LCORL: variants seen among roughly 807,000 people sequenced by gnomAD.
LCORL encodes ligand dependent nuclear receptor corepressor like.
Under a neutral mutation model 141.8 loss-of-function variants are expected in LCORL, and 41 were observed. The observed-to-expected ratio is 0.29, with a 90% CI of 0.23 to 0.38. The LOEUF (loss-of-function observed/expected upper bound fraction) is 0.38, where lower values mean the gene tolerates loss of function less well. LCORL is among the 10% of genes least tolerant of loss of function. The pLI, the probability that LCORL is intolerant of heterozygous loss-of-function variation, is 1.00. For synonymous variants in LCORL, 618 were observed against 694.1 expected (o/e 0.89, Z 1.72); for missense variants, 1,759 against 2,035.0 (o/e 0.86, Z 2.61).
In LCORL at chr4:18,021,794, C is replaced by CAGGCACGAGGCAG. The variant is rs1484695690; in HGVS notation, c.-56_-44dup. Reference sequence around the variant, plus strand: ...CGCCCTCATTTACATACGAGCAGCGCAGGCACGAGGCAGGGGCGCGAGCCC... The same window carrying CAGGCACGAGGCAG: ...CGCCCTCATTTACATACGAGCAGCGCAGGCACGAGGCAGAGGCACGAGGCAGGGGCGCGAGCCC... On this transcript the variant is annotated 5_prime_UTR_variant, in exon 1 of 8. Transcript: ENST00000635767. The surrounding 1 kb of genome is among the most constrained non-coding windows in gnomAD (Gnocchi z 5.5). The CAGGCACGAGGCAG allele has an allele frequency of 6.9e-7, 1 of 1,443,606 alleles. No individual in the cohort carries two copies. The highest frequency in any genetic ancestry group is 9.0e-7 in the Non-Finnish European group (1 of 1,106,708). 89.4% of individuals were successfully genotyped at this position (1,443,606 alleles called of 1,614,324 possible).
At chr4:17,914,426 A>T (rs1162021304) in intron 4 of LCORL, among the ~76,000 whole-genome samples, 1 of 152,234 alleles carries the variant, frequency 6.6e-6, no homozygotes, top group Non-Finnish European at 1.5e-5. Flanking sequence ...TTGAATTTAC[A>T]GCAAAGTTTA....
chr4:17,935,585 T>TTCCC (rs1204631718), intron 4 of LCORL, among the ~76,000 whole-genome samples: 1 of 152,052 alleles, frequency 6.6e-6, no homozygotes. Flanking sequence ...CAGCTTCCCT[T>TTCCC]TCCCTCCCTC....
At chr4:18,007,664 A>C (rs1266015788) in intron 1 of LCORL, among the ~76,000 whole-genome samples, 1 of 152,206 alleles carries the variant, frequency 6.6e-6, no homozygotes, top group Admixed American at 6.5e-5. Context: ...AAAGGATTTT[A>C]GCAGATGGCC....
chr4:17,856,729 TAC>T (rs1360056585), intron 7 of LCORL, among the ~76,000 whole-genome samples: 1 of 152,190 alleles, frequency 6.6e-6, no homozygotes, highest in East Asian at 1.9e-4. Flanking sequence ...TCCTTTATTC[TAC>T]ACAGTCTCTT....
chr4:17,912,576 T>C (rs1399325782), intron 4 of LCORL: 2 of 431,512 alleles, frequency 4.6e-6, no homozygotes, highest in Non-Finnish European at 9.0e-6. Flanking sequence ...GCTGCTGAGA[T>C]GGTGCTCGTG....
Position 17,972,840 on chromosome 4 carries a change from CT to C in LCORL, c.199del (p.Arg67GlufsTer14). On this transcript the variant is annotated frameshift_variant, in exon 2 of 8. Coordinates refer to ENST00000635767, the Ensembl canonical transcript of LCORL. LOFTEE classifies it high-confidence loss of function. ...ATTACCTTCAAATAAACTGAGGTCT[CT>C]TCGTAGCCGTGGTCCATAAAGCCCT... is the stretch of plus-strand genomic sequence containing the variant. 7.0e-7 allele frequency: 1 copy of C among 1,437,880 alleles called. No individual in the cohort carries two copies. The highest frequency in any genetic ancestry group is 9.1e-7 in the Non-Finnish European group (1 of 1,095,808). 89.1% of individuals were successfully genotyped at this position (1,437,880 alleles called of 1,614,324 possible). A position where few individuals can be genotyped will look rare whatever the true frequency, so the allele number is the denominator to read the frequency against.
chr4:17,858,642 T>A (rs535253836), intron 7 of LCORL, among the ~76,000 whole-genome samples: 1 of 151,544 alleles, frequency 6.6e-6, no homozygotes, highest in South Asian at 2.1e-4. Flanking sequence ...GCAGGAGAAT[T>A]GCTTGAACCA....
intron 4 of LCORL, among the ~76,000 whole-genome samples, chr4:17,909,583 C>T (rs1732174925): frequency 6.6e-6 from 1 of 151,888 alleles, no homozygotes; most frequent in African/African-American, 2.4e-5. Context: ...ATTCTCTGGT[C>T]CCAAACTAAA....
chr4:17,985,793 A>G (rs1027321583), intron 1 of LCORL, among the ~76,000 whole-genome samples: 9 of 151,790 alleles, frequency 5.9e-5, no homozygotes, highest in African/African-American at 2.2e-4. Context: ...TGTGGATTTG[A>G]CCCTGTTATT....
chr4:17,998,982 AAAAATATATATATATATATATACACACAT>A (rs1237740825), intron 1 of LCORL, among the ~76,000 whole-genome samples: 231 of 63,514 alleles, frequency 3.6e-3, no homozygotes, highest in African/African-American at 8.9e-3. Context: ...AAAAAAAAAA[AAAAATATATATATATATATATACACACAT>A]ATATATATAT....
At chr4:17,910,651 G>T (rs530084141) in intron 4 of LCORL, among the ~76,000 whole-genome samples, 5 of 152,162 alleles carry the variant, frequency 3.3e-5, no homozygotes, top group African/African-American at 1.2e-4. Flanking sequence ...ATACAAGAAG[G>T]TTTCAAAATA....
intron 1 of LCORL, among the ~76,000 whole-genome samples, chr4:17,987,551 T>A (rs1719203948): frequency 6.6e-6 from 1 of 152,186 alleles, no homozygotes; most frequent in South Asian, 2.1e-4. Flanking sequence ...TTCTACTAGG[T>A]AAGACTATAG....
Position 18,021,793 on chromosome 4 carries a change from G to T in LCORL, c.-42C>A. On this transcript the variant is annotated 5_prime_UTR_variant, in exon 1 of 8. Coordinates refer to ENST00000635767, the Ensembl canonical transcript of LCORL. This position sits in a 1 kb window ranked among gnomAD's most constrained non-coding sequence, Gnocchi z 5.5. ...GCGCCCTCATTTACATACGAGCAGC[G>T]CAGGCACGAGGCAGGGGCGCGAGCC... 6.9e-7 allele frequency: 1 copy of T among 1,443,458 alleles called. No individual in the cohort carries two copies. Among genetic ancestry groups the T allele is most frequent in the South Asian group, 1.5e-5 (1 of 68,082 alleles). The allele number at this position is 1,443,458 out of a possible 1,614,324, so 89.4% of individuals were successfully genotyped here.
At chr4:17,925,620 C>T (rs1201830145) in intron 4 of LCORL, among the ~76,000 whole-genome samples, 1 of 152,008 alleles carries the variant, frequency 6.6e-6, no homozygotes, top group Non-Finnish European at 1.5e-5. Context: ...GCTTGTAATC[C>T]CAGCACTTTG....
chr4:17,958,946 A>T (rs1184548044), intron 4 of LCORL, among the ~76,000 whole-genome samples: 1 of 152,064 alleles, frequency 6.6e-6, no homozygotes, highest in Non-Finnish European at 1.5e-5. Flanking sequence ...ACATTTCTAA[A>T]GTAAAGAATA....
intron 7 of LCORL, among the ~76,000 whole-genome samples, chr4:17,866,678 G>A (rs1577281657): frequency 1.3e-5 from 2 of 152,054 alleles, no homozygotes; most frequent in East Asian, 1.9e-4. Context: ...AAATCATTCA[G>A]ACACCTACCC....
chr4:17,998,210 T>C (rs941357418), intron 1 of LCORL, among the ~76,000 whole-genome samples: 8 of 152,144 alleles, frequency 5.3e-5, no homozygotes, highest in East Asian at 1.9e-4. Flanking sequence ...GGATGGGAAG[T>C]TGCTCTGGGT....
intron 4 of LCORL, among the ~76,000 whole-genome samples, chr4:17,942,983 A>C (rs2109489252): frequency 6.6e-6 from 1 of 152,286 alleles, no homozygotes; most frequent in South Asian, 2.1e-4. Flanking sequence ...TCCTTATGAG[A>C]ATCTAACCAA....
At chr4:17,883,621 CGT>C (rs1395144203) in intron 6 of LCORL, 3 of 1,388,220 alleles carry the variant, frequency 2.2e-6, no homozygotes, top group Admixed American at 3.1e-5. Flanking sequence ...GTAATTCCCA[CGT>C]GTGTATATAG....
Sources: allele counts gnomAD v4.1 joint callset (sites outside exome capture counted in the v4.1 genomes callset), GRCh38; gene constraint gnomAD v4.1.1; non-coding constraint Gnocchi (gnomAD v3.1); transcripts MANE v1.5; gene names NCBI Gene and HGNC (gene_info 2026-07-23, HGNC 2026-07-21).